Variants in FRYL observed in about 807,000 individuals in gnomAD.
The protein encoded by FRYL is protein furry homolog-like.
In FRYL, 150 loss-of-function variants were observed where a neutral mutation model predicts 351.2. That is an observed-to-expected ratio of 0.43 (90% CI 0.37 to 0.49). The LOEUF (loss-of-function observed/expected upper bound fraction) is 0.49. Among genes scored for constraint, FRYL ranks in the 20% least tolerant of loss-of-function variants. The probability of loss-of-function intolerance (pLI) is 0.00; values close to 1 mark genes in which losing one functional copy is unlikely to be tolerated. For missense variants in FRYL, 3,036 were observed against 3,619.3 expected, an observed-to-expected ratio of 0.84 and a Z score of 4.13; for synonymous variants, 1,153 against 1,257.1, an observed-to-expected ratio of 0.92 and a Z score of 1.75.
At chr4:48,704,989 C>T (rs910989461) in intron 2 of FRYL, among the ~76,000 whole-genome samples, 1 of 150,094 alleles carries the variant, frequency 6.7e-6, no homozygotes, top group African/African-American at 2.5e-5. Context: ...GGCATGGTAG[C>T]GCACACCTGT....
At chr4:48,643,562 C>T (rs1030613150) in intron 3 of FRYL, among the ~76,000 whole-genome samples, 1 of 152,050 alleles carries the variant, frequency 6.6e-6, no homozygotes, top group African/African-American at 2.4e-5. Context: ...AAACCTATTT[C>T]GATTAAAAAC....
At chr4:48,594,938 G>A (rs962798855) in intron 15 of FRYL, among the ~76,000 whole-genome samples, 2 of 124,704 alleles carry the variant, frequency 1.6e-5, no homozygotes, top group Non-Finnish European at 3.5e-5. Context: ...TACTTCCCAG[G>A]ATCCCATTTA....
intron 1 of FRYL, among the ~76,000 whole-genome samples, chr4:48,713,207 AG>A (rs1327675574): frequency 6.6e-6 from 1 of 152,168 alleles, no homozygotes; most frequent in African/African-American, 2.4e-5. Flanking sequence ...TCATAATGAC[AG>A]GATCAAATTC....
At chr4:48,573,487 T>A (rs1738836806) in intron 25 of FRYL, among the ~76,000 whole-genome samples, 1 of 152,258 alleles carries the variant, frequency 6.6e-6, no homozygotes, top group Non-Finnish European at 1.5e-5. Context: ...CCAATATTTT[T>A]ATTCAATCAG....
rs1273227294 is a variant in FRYL, at chr4:48,548,720, G to GGTA, written c.4855_4857dup (p.Tyr1619dup). 6.2e-7 allele frequency: 1 copy of GGTA among 1,606,668 alleles called. No homozygotes were observed. The highest frequency in any genetic ancestry group is 1.7e-5 in the Admixed American group (1 of 59,932). On this transcript the variant is annotated inframe_insertion, in exon 40 of 64. Coordinates refer to ENST00000358350, the MANE Select transcript of FRYL (RefSeq NM_015030.2). Reference sequence around the variant, plus strand: ...AAAATTGCATGAAGAAGAAGATGGAGGTAGCTTCCCCATTCCACCTTCACA... The same window carrying GGTA: ...AAAATTGCATGAAGAAGAAGATGGAGGTAGTAGCTTCCCCATTCCACCTTCACA...
chr4:48,713,780 A>G (rs1240764373), intron 1 of FRYL, among the ~76,000 whole-genome samples: 3 of 152,224 alleles, frequency 2.0e-5, no homozygotes, highest in East Asian at 1.9e-4. Flanking sequence ...CCTAATAGAC[A>G]TCGACAGAAC....
chr4:48,501,793 A>G, intron 61 of FRYL, 60 bp from the exon 62 acceptor site: 1 of 973,082 alleles, frequency 1.0e-6, no homozygotes, highest in East Asian at 2.4e-5. Context: ...CATATTTCCA[A>G]TGGAAATTTA....
intron 9 of FRYL, 79 bp from the exon 10 acceptor site, chr4:48,606,685 A>G: frequency 1.8e-6 from 2 of 1,118,084 alleles, no homozygotes; most frequent in Non-Finnish European, 2.5e-6. Context: ...TAAAAATCAA[A>G]AGGTATGCTA....
intron 3 of FRYL, among the ~76,000 whole-genome samples, chr4:48,656,744 T>TA (rs1560801389): frequency 2.2e-5 from 2 of 89,088 alleles, no homozygotes; most frequent in African/African-American, 4.3e-5. Context: ...ATATATATAT[T>TA]TATTTATCGC....
chr4:48,677,437 G>C (rs984033176), intron 3 of FRYL, among the ~76,000 whole-genome samples: 1 of 151,390 alleles, frequency 6.6e-6, no homozygotes, highest in Non-Finnish European at 1.5e-5. Flanking sequence ...TTGAGACAGA[G>C]TCTCTCTCTG....
intron 2 of FRYL, among the ~76,000 whole-genome samples, chr4:48,699,123 C>T (rs1766484252): frequency 6.6e-6 from 1 of 152,082 alleles, no homozygotes; most frequent in African/African-American, 2.4e-5. Context: ...TACTGTACCT[C>T]TGGATTATAT....
intron 55 of FRYL, among the ~76,000 whole-genome samples, chr4:48,515,753 T>C (rs748475161): frequency 1.3e-5 from 2 of 152,220 alleles, no homozygotes; most frequent in Non-Finnish European, 2.9e-5. Flanking sequence ...ATATATCACC[T>C]ATTATCATAT....
chr4:48,550,833 G>T (rs1332983990), intron 37 of FRYL, 129 bp from the exon 38 acceptor site: 3 of 681,670 alleles, frequency 4.4e-6, no homozygotes, highest in Non-Finnish European at 7.7e-6. Context: ...CAGCACTTTG[G>T]GAGGCCAAGG....
intron 45 of FRYL, 32 bp from the exon 46 acceptor site, chr4:48,540,992 A>G: frequency 1.4e-6 from 2 of 1,466,116 alleles, no homozygotes; most frequent in Non-Finnish European, 1.8e-6. Context: ...ATGAATGCAT[A>G]CCCAGTCACT....
At position 48,499,234 on chromosome 4, in the gene FRYL, A is replaced by G. The variant is rs1719020459; in HGVS notation, c.*188T>C. ...CGCAGTTATTGTGGGAGATATTGGC[A>G]GCTGTTAAAATATCAGATGTTTTTT... On this transcript the variant is annotated 3_prime_UTR_variant, in exon 64 of 64. Coordinates refer to ENST00000358350, the MANE Select transcript of FRYL (RefSeq NM_015030.2). 1 of 569,508 alleles carries G rather than the reference A, an allele frequency of 1.8e-6. No individual in the cohort carries two copies. The highest frequency in any genetic ancestry group is 1.9e-5 in the African/African-American group (1 of 53,252). 35.3% of individuals were successfully genotyped at this position (569,508 alleles called of 1,614,324 possible).
intron 36 of FRYL, among the ~76,000 whole-genome samples, chr4:48,552,459 T>G (rs1336133845): frequency 6.6e-6 from 1 of 152,112 alleles, no homozygotes; most frequent in African/African-American, 2.4e-5. Context: ...AATATTCTAC[T>G]CTTTATGAAA....
intron 3 of FRYL, among the ~76,000 whole-genome samples, chr4:48,672,697 C>T (rs1762932262): frequency 1.3e-5 from 2 of 152,168 alleles, no homozygotes; most frequent in Non-Finnish European, 2.9e-5. Context: ...GAATTCCAAA[C>T]AATTCTCCAC....
chr4:48,624,659 T>C (rs894721151), intron 4 of FRYL, among the ~76,000 whole-genome samples: 3 of 152,222 alleles, frequency 2.0e-5, no homozygotes, highest in African/African-American at 4.8e-5. Flanking sequence ...ACACTGGATA[T>C]TGTAATGTTA....
At chr4:48,561,702 T>G (rs1735534508) in intron 32 of FRYL, 66 bp from the exon 33 acceptor site, 1 of 1,243,426 alleles carries the variant, frequency 8.0e-7, no homozygotes, top group Non-Finnish European at 1.1e-6. Flanking sequence ...TTAACTATAA[T>G]TTTATAATTT....
Sources: gnomAD v4.1 joint callset for allele counts (sites outside exome capture counted in the v4.1 genomes callset) on GRCh38, gnomAD v4.1.1 for gene constraint, MANE v1.5 for transcripts, NCBI Gene and HGNC (gene_info 2026-07-23, HGNC 2026-07-21) for gene names.